ABHD2: variants seen among roughly 807,000 people sequenced by gnomAD.
ABHD2 encodes the protein monoacylglycerol lipase ABHD2.
Under a neutral mutation model 48.1 loss-of-function variants are expected in ABHD2, and 20 were observed. That is an observed-to-expected ratio of 0.42 (90% CI 0.29 to 0.60). ABHD2 has a LOEUF of 0.60. Among genes scored for constraint, ABHD2 ranks in the 20% least tolerant of loss-of-function variants. The probability of loss-of-function intolerance (pLI) is 0.24; values close to 1 mark genes in which losing one functional copy is unlikely to be tolerated. For missense variants in ABHD2, 405 were observed against 550.9 expected (o/e 0.74, Z 2.65); for synonymous variants, 209 against 214.2 (o/e 0.98, Z 0.21).
At chr15:89,158,546 A>G (rs1462304269) in intron 5 of ABHD2, among the ~76,000 whole-genome samples, 5 of 152,328 alleles carry the variant, frequency 3.3e-5, no homozygotes, top group African/African-American at 7.2e-5. Flanking sequence ...ATGCCCCAGC[A>G]CTGCCACTGA....
intron 5 of ABHD2, among the ~76,000 whole-genome samples, chr15:89,162,615 C>G (rs913360895): frequency 6.6e-6 from 1 of 152,130 alleles, no homozygotes; most frequent in African/African-American, 2.4e-5. Flanking sequence ...CTTGGCTTCT[C>G]TTTGTCACTC....
chr15:89,075,605 G>A, the ABHD2 span, among the ~76,000 whole-genome samples: 1 of 152,174 alleles, frequency 6.6e-6, no homozygotes, highest in Non-Finnish European at 1.5e-5. This position sits in a 1 kb window ranked among gnomAD's most constrained non-coding sequence, Gnocchi z 4.1. Context: ...TGTACCTCCA[G>A]GAAGAGTTTG....
chr15:89,169,790 G>C (rs1048625486), intron 5 of ABHD2, among the ~76,000 whole-genome samples: 1 of 151,964 alleles, frequency 6.6e-6, no homozygotes, highest in African/African-American at 2.4e-5. Context: ...TTTAAAACTG[G>C]TTAGATTCAT....
rs61411388 is a variant in ABHD2, at chr15:89,181,228, C to CAAAAAAAAAAAA, written c.723-4185_723-4174dup. On this transcript the variant is annotated intron_variant, in intron 6 of 10. Coordinates refer to ENST00000352732, the MANE Select transcript of ABHD2 (RefSeq NM_152924.5). ...TGGGGGACAGAGCGAGACTCTGTCTCAAAAAAAAAAAAAAAAAAAAAACAA... is the reference window on the plus strand; with the variant it reads ...TGGGGGACAGAGCGAGACTCTGTCTCAAAAAAAAAAAAAAAAAAAAAAAAAAAAAAAAAACAA... Among the ~76,000 whole-genome samples the CAAAAAAAAAAAA allele has an allele frequency of 2.7e-4, 19 of 69,162 alleles. 5 individuals carry two copies. The East Asian group carries it at 3.6e-3, about 13-fold the overall frequency. The allele number at this position is 69,162 out of a possible 152,430, so 45.4% of individuals were successfully genotyped here. A position where few individuals can be genotyped will look rare whatever the true frequency, so the allele number is the denominator to read the frequency against.
rs974950332 is a variant in ABHD2, at chr15:89,114,893, C to T, written c.-7+1069C>T. ...TTGTGTCAGTAAGTTTTTAAAAATC[C>T]TTGTCTTGCCCTGATGGTGGAAGAC... is the stretch of plus-strand genomic sequence containing the variant. On this transcript the variant is annotated intron_variant, in intron 2 of 10. Transcript: ENST00000352732. The surrounding 1 kb of genome is among the most constrained non-coding windows in gnomAD (Gnocchi z 4.2). Among the ~76,000 whole-genome samples, 1 of 152,196 alleles carries T rather than the reference C, an allele frequency of 6.6e-6. No homozygotes were observed. Among genetic ancestry groups the T allele is most frequent in the Non-Finnish European group, 1.5e-5 (1 of 68,026 alleles).
At chr15:89,160,093 C>T (rs1387919302) in intron 5 of ABHD2, among the ~76,000 whole-genome samples, 2 of 152,178 alleles carry the variant, frequency 1.3e-5, no homozygotes, top group Non-Finnish European at 2.9e-5. Flanking sequence ...GCTAGTGTTT[C>T]GTTAGGTGCT....
intron 3 of ABHD2, among the ~76,000 whole-genome samples, chr15:89,123,263 AC>A (rs1290984592): frequency 1.3e-5 from 2 of 152,182 alleles, no homozygotes; most frequent in Admixed American, 1.3e-4. Context: ...CCTTCCATAG[AC>A]CATAATGGAT....
Position 89,175,490 on chromosome 15 carries a change from A to G in ABHD2, c.539-322A>G, listed in dbSNP as rs1048906080. On this transcript the variant is annotated intron_variant, in intron 5 of 10. Coordinates refer to ENST00000352732, the MANE Select transcript of ABHD2 (RefSeq NM_152924.5). This position sits in a 1 kb window ranked among gnomAD's most constrained non-coding sequence, Gnocchi z 5.7. The stretch of plus-strand genomic sequence containing the variant: ...CACCCTGAAATCTGCTTTGATATCC[A>G]TGATTATCTAGACACGGTTCTTGTG... Among the ~76,000 whole-genome samples the G allele has an allele frequency of 2.0e-5, 3 of 152,274 alleles. No individual in the cohort carries two copies. The highest frequency in any genetic ancestry group is 1.3e-4 in the Admixed American group (2 of 15,304).
chr15:89,070,173 A>C, the ABHD2 span: 1 of 152,196 alleles, frequency 6.6e-6, no homozygotes, highest in Admixed American at 6.5e-5. Context: ...GTCTCCAGGC[A>C]GAAGAAAAAG....
intron 3 of ABHD2, among the ~76,000 whole-genome samples, chr15:89,134,754 A>G (rs1346974082): frequency 6.6e-6 from 1 of 152,166 alleles, no homozygotes; most frequent in Non-Finnish European, 1.5e-5. Flanking sequence ...GTGCAAGTTC[A>G]TTTATTCAAG....
At chr15:89,084,170 G>C (rs1162836534), upstream of ABHD2, among the ~76,000 whole-genome samples, 5 of 146,030 alleles carry the variant, frequency 3.4e-5, no homozygotes, top group South Asian at 8.5e-4. This position sits in a 1 kb window ranked among gnomAD's most constrained non-coding sequence, Gnocchi z 4.4. Context: ...TATTCGAAAG[G>C]AAAAGTTTCT....
At chr15:89,187,660 T>C (rs953015386) in intron 7 of ABHD2, among the ~76,000 whole-genome samples, 5 of 152,230 alleles carry the variant, frequency 3.3e-5, no homozygotes, top group Admixed American at 6.5e-5. Context: ...AAAAAATGAT[T>C]GCTCTCCTGA....
intron 3 of ABHD2, among the ~76,000 whole-genome samples, chr15:89,138,090 G>T (rs2050343490): frequency 6.6e-6 from 1 of 152,254 alleles, no homozygotes; most frequent in South Asian, 2.1e-4. Context: ...TGTGGTAGGA[G>T]CAGCAAGGGC....
At chr15:89,059,405 A>G in the ABHD2 span, among the ~76,000 whole-genome samples, 2 of 152,188 alleles carry the variant, frequency 1.3e-5, no homozygotes, top group African/African-American at 4.8e-5. Context: ...AGACGCCTAC[A>G]GATTACTTCC....
chr15:89,112,790 A>T (rs918262653), intron 1 of ABHD2, among the ~76,000 whole-genome samples: 3 of 152,184 alleles, frequency 2.0e-5, no homozygotes, highest in Non-Finnish European at 4.4e-5. Context: ...GTAGCACAGC[A>T]TGGTGATTAA....
intron 2 of ABHD2, among the ~76,000 whole-genome samples, chr15:89,115,574 C>T (rs1438389012): frequency 6.6e-6 from 1 of 152,152 alleles, no homozygotes; most frequent in Non-Finnish European, 1.5e-5. Context: ...TAATTTTGGA[C>T]TAATGGCTAT....
the ABHD2 span, among the ~76,000 whole-genome samples, chr15:89,077,966 T>G: frequency 6.6e-6 from 1 of 152,192 alleles, no homozygotes; most frequent in African/African-American, 2.4e-5. Context: ...ATGCTCCCTT[T>G]CTAGTAATGA....
rs546279092 is a variant in ABHD2 at position 89,168,665 on chromosome 15, T to G, written c.539-7147T>G. On this transcript the variant is annotated intron_variant, in intron 5 of 10. Transcript: ENST00000352732. The surrounding 1 kb of genome is among the most constrained non-coding windows in gnomAD (Gnocchi z 4.8). ...AAGTGCCTACACAATTAGCTGTAAT[T>G]GCTCCTCAGTAGTGTAGCAAATCTG... Among the ~76,000 whole-genome samples the G allele has an allele frequency of 3.0e-4, 45 of 152,396 alleles. No individual in the cohort carries two copies. Among genetic ancestry groups the G allele is most frequent in the Non-Finnish European group, 5.3e-4 (36 of 68,040 alleles).
chr15:89,097,140 C>A lies in ABHD2; in HGVS notation c.-107+8577C>A, dbSNP rs1405631122. On this transcript the variant is annotated intron_variant, in intron 1 of 10. Coordinates refer to ENST00000352732, the MANE Select transcript of ABHD2 (RefSeq NM_152924.5). This position sits in a 1 kb window ranked among gnomAD's most constrained non-coding sequence, Gnocchi z 4.2. ...TTATTCTGGGAATTTTAAAGATATA[C>A]AGAAGTAGAGAGAATCATATAATGA... 6.6e-6 allele frequency among the ~76,000 whole-genome samples: 1 copy of A among 152,146 alleles called. No homozygotes were observed. Among genetic ancestry groups the A allele is most frequent in the Non-Finnish European group, 1.5e-5 (1 of 68,030 alleles).
Sources: allele counts gnomAD v4.1 joint callset (sites outside exome capture counted in the v4.1 genomes callset), GRCh38; gene constraint gnomAD v4.1.1; non-coding constraint Gnocchi (gnomAD v3.1); transcripts MANE v1.5; gene names NCBI Gene and HGNC (gene_info 2026-07-23, HGNC 2026-07-21).